LAMA2: variants seen among roughly 807,000 people sequenced by gnomAD.
LAMA2 encodes laminin subunit alpha-2.
LAMA2 carries 269 observed loss-of-function variants against 364.8 expected under a neutral mutation model. The observed-to-expected ratio is 0.74, with a 90% CI of 0.67 to 0.82. LAMA2 has a LOEUF of 0.82. Among genes scored for constraint, LAMA2 ranks in the 40% least tolerant of loss-of-function variants. The probability of loss-of-function intolerance (pLI) is 0.00; values close to 1 mark genes in which losing one functional copy is unlikely to be tolerated. For synonymous variants in LAMA2, 1,379 were observed against 1,370.6 expected (o/e 1.01, Z -0.14); for missense variants, 3,807 against 3,873.2 (o/e 0.98, Z 0.45).
intron 4 of LAMA2, among the ~76,000 whole-genome samples, chr6:129,114,219 T>A (rs919115182): frequency 1.3e-5 from 2 of 152,034 alleles, no homozygotes; most frequent in African/African-American, 4.8e-5. Flanking sequence ...TGAACAGGTA[T>A]AAAATAATTA....
At chr6:128,975,723 A>C (rs769101663) in intron 1 of LAMA2, among the ~76,000 whole-genome samples, 1 of 152,188 alleles carries the variant, frequency 6.6e-6, no homozygotes, top group Non-Finnish European at 1.5e-5. Context: ...TCCCCTGCAC[A>C]TGCCCTCTTG....
chr6:129,290,548 G>A (rs533592184), intron 19 of LAMA2, among the ~76,000 whole-genome samples: 1 of 152,242 alleles, frequency 6.6e-6, no homozygotes, highest in African/African-American at 2.4e-5. Context: ...TAGGCTGATA[G>A]AGTACCTGTT....
At chr6:128,899,617 T>A (rs1244683698) in intron 1 of LAMA2, among the ~76,000 whole-genome samples, 2 of 152,158 alleles carry the variant, frequency 1.3e-5, no homozygotes, top group Non-Finnish European at 2.9e-5. Context: ...TTCCCCCTGA[T>A]CCTTTTATAG....
At chr6:129,488,279 C>T (rs9483038) in intron 56 of LAMA2, among the ~76,000 whole-genome samples, 10,723 of 152,218 alleles carry the variant, frequency 0.07, 977 homozygotes, top group African/African-American at 0.22. Flanking sequence ...CACTGCACTC[C>T]AGCCTGGGCA....
At chr6:128,991,778 T>C (rs1012704255) in intron 1 of LAMA2, among the ~76,000 whole-genome samples, 1 of 152,236 alleles carries the variant, frequency 6.6e-6, no homozygotes, top group Non-Finnish European at 1.5e-5. Flanking sequence ...TTTTAATTTT[T>C]ATGAAAACTT....
rs1431900145 is a variant in LAMA2 at position 129,100,733 on chromosome 6, T to C, written c.639+2318T>C. Among the ~76,000 whole-genome samples, 4 of 152,198 alleles carry C rather than the reference T, an allele frequency of 2.6e-5. No individual in the cohort carries two copies. In the South Asian group the frequency reaches 6.2e-4, roughly 24 times the overall value. On this transcript the variant is annotated intron_variant, in intron 4 of 64. Coordinates refer to ENST00000421865, the MANE Select transcript of LAMA2 (RefSeq NM_000426.4). ...AGTAGAAAGAATCCTAATTCTGATA[T>C]ATCATGGCATAGAAAAAGACACAAG... is the stretch of plus-strand genomic sequence containing the variant.
chr6:128,950,212 A>T (rs1481145348), intron 1 of LAMA2, among the ~76,000 whole-genome samples: 1 of 152,136 alleles, frequency 6.6e-6, no homozygotes, highest in African/African-American at 2.4e-5. Context: ...CTTGTTCCAT[A>T]CTGGAGAATG....
intron 12 of LAMA2, among the ~76,000 whole-genome samples, chr6:129,209,070 G>A (rs1782912836): frequency 6.6e-6 from 1 of 152,078 alleles, no homozygotes; most frequent in African/African-American, 2.4e-5. Flanking sequence ...AGCCATTGAA[G>A]TTCCCCTAGG....
intron 50 of LAMA2, 52 bp from the exon 51 acceptor site, chr6:129,465,093 C>T: frequency 3.5e-6 from 5 of 1,433,028 alleles, no homozygotes; most frequent in Non-Finnish European, 4.9e-6. Flanking sequence ...AGTGAACACT[C>T]ATATACTTCT....
chr6:129,103,861 G>A (rs1371912199), intron 4 of LAMA2, among the ~76,000 whole-genome samples: 1 of 151,898 alleles, frequency 6.6e-6, no homozygotes, highest in Non-Finnish European at 1.5e-5. Flanking sequence ...TTTTAACGTG[G>A]ACAGCAGTAT....
chr6:129,284,242 AC>A (rs1201200928), intron 18 of LAMA2, among the ~76,000 whole-genome samples: 4 of 15,120 alleles, frequency 2.6e-4, no homozygotes, highest in Non-Finnish European at 1.4e-3. Flanking sequence ...CTTTGCCAAT[AC>A]TGTTCCCTCT....
chr6:129,191,473 G>C (rs1463062055), intron 11 of LAMA2, among the ~76,000 whole-genome samples: 2 of 152,116 alleles, frequency 1.3e-5, no homozygotes, highest in Non-Finnish European at 2.9e-5. Context: ...CCACCCTCCA[G>C]ACTGCCCCAC....
intron 31 of LAMA2, among the ~76,000 whole-genome samples, chr6:129,352,451 T>C (rs17057159): frequency 0.097 from 14,810 of 152,202 alleles, 936 homozygotes; most frequent in African/African-American, 0.16. Context: ...GAAAAATCCA[T>C]CTTGAGGAAG....
chr6:129,037,047 GCAGT>G (rs555770779), intron 1 of LAMA2, among the ~76,000 whole-genome samples: 127 of 152,308 alleles, frequency 8.3e-4, no homozygotes, highest in African/African-American at 2.8e-3. Flanking sequence ...CAGGATTTCA[GCAGT>G]CAATTATCTC....
intron 10 of LAMA2, among the ~76,000 whole-genome samples, chr6:129,183,814 G>A (rs370955461): frequency 2.0e-5 from 3 of 151,764 alleles, no homozygotes; most frequent in East Asian, 1.9e-4. Flanking sequence ...TCTGTTTTAT[G>A]TCTATCTTAC....
chr6:129,465,413 A>G (rs1235917265), intron 51 of LAMA2, 124 bp downstream of exon 51: 3 of 841,882 alleles, frequency 3.6e-6, no homozygotes, highest in Non-Finnish European at 5.9e-6. Flanking sequence ...TGAAAAATTT[A>G]TACAGTCATT....
chr6:129,479,999 G>A (rs1784272108), intron 54 of LAMA2: 1 of 152,152 alleles, frequency 6.6e-6, no homozygotes, highest in Non-Finnish European at 1.5e-5. Context: ...ATATATACAT[G>A]AGGATGGAAA....
intron 40 of LAMA2, among the ~76,000 whole-genome samples, chr6:129,413,473 A>G (rs1191382789): frequency 6.6e-6 from 1 of 152,140 alleles, no homozygotes; most frequent in African/African-American, 2.4e-5. Flanking sequence ...AATTAATTCT[A>G]CATGCCCCAT....
At chr6:129,406,672 T>A (rs531285632) in intron 40 of LAMA2, among the ~76,000 whole-genome samples, 76 of 152,332 alleles carry the variant, frequency 5.0e-4, no homozygotes, top group Middle Eastern at 3.4e-3. Context: ...TTCCAGGTCA[T>A]AGTAAACTCA....
Sources: allele counts gnomAD v4.1 joint callset (sites outside exome capture counted in the v4.1 genomes callset), GRCh38; gene constraint gnomAD v4.1.1; transcripts MANE v1.5; gene names NCBI Gene and HGNC (gene_info 2026-07-23, HGNC 2026-07-21).